Variants in SMOC2 observed in about 807,000 individuals in gnomAD.
SMOC2 encodes the protein SPARC-related modular calcium-binding protein 2.
In SMOC2, 39 loss-of-function variants were observed where a neutral mutation model predicts 61.4. That is an observed-to-expected ratio of 0.64 (90% CI 0.49 to 0.83). SMOC2 has a LOEUF of 0.83. Ranked by LOEUF, SMOC2 falls within the 40% of genes least tolerant of loss-of-function variation. The pLI is 0.00. For synonymous variants in SMOC2, 247 were observed against 239.9 expected (o/e 1.03, Z -0.27); for missense variants, 556 against 592.9 (o/e 0.94, Z 0.65).
intron 7 of SMOC2, among the ~76,000 whole-genome samples, chr6:168,574,456 G>A (rs928072214): frequency 6.6e-6 from 1 of 152,246 alleles, no homozygotes; most frequent in Non-Finnish European, 1.5e-5. Context: ...AAATCCCTGG[G>A]AGAGTGAACC....
chr6:168,660,852 G>T (rs747690346), intron 11 of SMOC2, among the ~76,000 whole-genome samples: 1 of 152,242 alleles, frequency 6.6e-6, no homozygotes, highest in Non-Finnish European at 1.5e-5. Flanking sequence ...GGAGCACAGC[G>T]CGATCTCTTC....
chr6:168,564,689 G>A (rs1375488160), intron 7 of SMOC2, among the ~76,000 whole-genome samples: 1 of 152,122 alleles, frequency 6.6e-6, no homozygotes, highest in African/African-American at 2.4e-5. Flanking sequence ...TATGCTTTTG[G>A]TGCCATGTCT....
intron 11 of SMOC2, among the ~76,000 whole-genome samples, chr6:168,659,038 G>A (rs1490472233): frequency 1.5e-5 from 2 of 135,506 alleles, no homozygotes; most frequent in African/African-American, 5.8e-5. Flanking sequence ...TGGTGTGTAT[G>A]TGTGTGTGTG....
At chr6:168,571,106 G>A (rs887510922) in intron 7 of SMOC2, among the ~76,000 whole-genome samples, 1 of 152,162 alleles carries the variant, frequency 6.6e-6, no homozygotes, top group African/African-American at 2.4e-5. Flanking sequence ...GTTAACCCCC[G>A]AGCATGGACC....
intron 7 of SMOC2, among the ~76,000 whole-genome samples, chr6:168,581,858 C>A (rs1338894309): frequency 6.6e-6 from 1 of 152,144 alleles, no homozygotes; most frequent in Non-Finnish European, 1.5e-5. Context: ...ATGGGGCCTG[C>A]ACTCAGCCGC....
chr6:168,475,564 G>A lies in SMOC2; in HGVS notation c.84+34110G>A, dbSNP rs189623189. 5.3e-5 allele frequency among the ~76,000 whole-genome samples: 8 copies of A among 152,202 alleles called. No individual in the cohort carries two copies. Among genetic ancestry groups the A allele is most frequent in the Non-Finnish European group, 8.8e-5 (6 of 67,978 alleles). ...GGCCATGGCCAGCGTTGCCTTGGGG[G>A]ACAGGGCATGAAGGCACATGGGTCT... On this transcript the variant is annotated intron_variant, in intron 1 of 12. Coordinates refer to ENST00000356284, the MANE Select transcript of SMOC2 (RefSeq NM_001166412.2). The surrounding 1 kb of genome is among the most constrained non-coding windows in gnomAD (Gnocchi z 4.6).
At chr6:168,489,265 A>G (rs1007629129) in intron 1 of SMOC2, among the ~76,000 whole-genome samples, 17 of 142,676 alleles carry the variant, frequency 1.2e-4, no homozygotes, top group Admixed American at 7.0e-4. Context: ...ATATCGAATC[A>G]TCTGGGTCCC....
intron 4 of SMOC2, among the ~76,000 whole-genome samples, chr6:168,534,336 A>G (rs1783684535): frequency 6.6e-6 from 1 of 152,256 alleles, no homozygotes; most frequent in Non-Finnish European, 1.5e-5. Flanking sequence ...TAAAAACATA[A>G]TAATAAATAA....
At chr6:168,585,546 C>A (rs1313357050) in intron 7 of SMOC2, among the ~76,000 whole-genome samples, 5 of 152,184 alleles carry the variant, frequency 3.3e-5, no homozygotes. Context: ...TTCGTGAGTG[C>A]ATGTTTTCAT....
At chr6:168,493,906 G>A (rs560440225) in intron 1 of SMOC2, among the ~76,000 whole-genome samples, 1 of 152,262 alleles carries the variant, frequency 6.6e-6, no homozygotes, top group African/African-American at 2.4e-5. Context: ...TGTCTGCCAA[G>A]AATAACTTCC....
At chr6:168,542,545 A>G (rs564811769) in intron 4 of SMOC2, among the ~76,000 whole-genome samples, 1 of 152,242 alleles carries the variant, frequency 6.6e-6, no homozygotes, top group East Asian at 1.9e-4. Flanking sequence ...TGAAGTCAGC[A>G]TTGTCTGATG....
rs1781509359 is a variant in SMOC2 at position 168,453,441 on chromosome 6, T to C, written c.84+11987T>C. On this transcript the variant is annotated intron_variant, in intron 1 of 12. Transcript: ENST00000356284. This position sits in a 1 kb window ranked among gnomAD's most constrained non-coding sequence, Gnocchi z 4.4. ...GGAGAGTTAGAGGCTAGGCTCTCTC[T>C]TTCTCTCTGTCTCTGTGTGTCTCTC... 6.6e-6 allele frequency among the ~76,000 whole-genome samples: 1 copy of C among 152,222 alleles called. No homozygotes were observed. The highest frequency in any genetic ancestry group is 1.5e-5 in the Non-Finnish European group (1 of 68,042).
chr6:168,448,447 G>A (rs1390570283), intron 1 of SMOC2, among the ~76,000 whole-genome samples: 1 of 150,532 alleles, frequency 6.6e-6, no homozygotes, highest in Non-Finnish European at 1.5e-5. Flanking sequence ...GAAGGATGAG[G>A]ATGGGGAGGA....
rs990711952 is a variant in SMOC2, at chr6:168,667,205, A to C, written c.*767A>C. ...CAGTCACAGTGCCTGGGAGGGGCCC[A>C]TCCTTCCAAAATGTAAATCCAGTCG... On this transcript the variant is annotated 3_prime_UTR_variant, in exon 13 of 13. Coordinates refer to ENST00000356284, the MANE Select transcript of SMOC2 (RefSeq NM_001166412.2). 2 of 152,120 alleles carry C rather than the reference A, an allele frequency of 1.3e-5. No homozygotes were observed. Among genetic ancestry groups the C allele is most frequent in the Non-Finnish European group, 2.9e-5 (2 of 68,050 alleles). The allele number at this position is 152,120 out of a possible 1,614,324, so 9.4% of individuals were successfully genotyped here. A position where few individuals can be genotyped will look rare whatever the true frequency, so the allele number is the denominator to read the frequency against.
Position 168,632,738 on chromosome 6 carries a change from A to G in SMOC2, c.908-17943A>G, listed in dbSNP as rs1173888007. Among the ~76,000 whole-genome samples, 8 of 152,194 alleles carry G rather than the reference A, an allele frequency of 5.3e-5. No homozygotes were observed. The South Asian group carries it at 1.4e-3, about 28-fold the overall frequency. On this transcript the variant is annotated intron_variant, in intron 9 of 12. Coordinates refer to ENST00000356284, the MANE Select transcript of SMOC2 (RefSeq NM_001166412.2). ...GTTAATGTCCTTCTTCATCCACAAC[A>G]TTGTAACTGGTTTTGGAAAAGGAGC...
chr6:168,642,816 G>T (rs1786926582), intron 9 of SMOC2, among the ~76,000 whole-genome samples: 1 of 152,164 alleles, frequency 6.6e-6, no homozygotes, highest in Non-Finnish European at 1.5e-5. Flanking sequence ...TGTTTAAACT[G>T]CATGGAAAGT....
In SMOC2 at chr6:168,630,510, G is replaced by A. The variant is rs542451656; in HGVS notation, c.908-20171G>A. ...AGGATGTATGTCGCCTCAGGACCAC[G>A]TGATAATTGCATTAACTGCACAAAT... On this transcript the variant is annotated intron_variant, in intron 9 of 12. Transcript: ENST00000356284. Among the ~76,000 whole-genome samples the A allele has an allele frequency of 7.2e-5, 11 of 152,210 alleles. 1 individual carries two copies. Among genetic ancestry groups the A allele is most frequent in the African/African-American group, 1.9e-4 (8 of 41,524 alleles).
chr6:168,568,008 A>G (rs752363316), intron 7 of SMOC2, among the ~76,000 whole-genome samples: 2 of 150,774 alleles, frequency 1.3e-5, no homozygotes, highest in Non-Finnish European at 2.9e-5. Flanking sequence ...TCGGTGTCTC[A>G]TATTAGAATT....
chr6:168,618,102 G>C (rs1786142620), intron 9 of SMOC2, among the ~76,000 whole-genome samples: 1 of 152,252 alleles, frequency 6.6e-6, no homozygotes, highest in South Asian at 2.1e-4. Context: ...GCCTGCATGG[G>C]AGTGGCCTGG....
Sources: gnomAD v4.1 joint callset for allele counts (sites outside exome capture counted in the v4.1 genomes callset) on GRCh38, gnomAD v4.1.1 for gene constraint, Gnocchi (gnomAD v3.1) non-coding constraint, MANE v1.5 for transcripts, NCBI Gene and HGNC (gene_info 2026-07-23, HGNC 2026-07-21) for gene names.